The following FBXO43 variants were observed in gnomAD, a reference collection of about 807,000 sequenced individuals.
The protein encoded by FBXO43 is F-box only protein 43.
In FBXO43, 22 loss-of-function variants were observed where a neutral mutation model predicts 56.7. The ratio of observed to expected loss-of-function variants is 0.39; its 90% confidence interval spans 0.28 to 0.55. The LOEUF (loss-of-function observed/expected upper bound fraction) is 0.55, where lower values mean the gene tolerates loss of function less well. Among genes scored for constraint, FBXO43 ranks in the 20% least tolerant of loss-of-function variants. The pLI is 0.66. For missense variants in FBXO43, 733 were observed against 814.9 expected (o/e 0.90, Z 1.22); for synonymous variants, 306 against 294.5 (o/e 1.04, Z -0.40).
chr8:100,148,437 AG>A, upstream of FBXO43, among the ~76,000 whole-genome samples: 1 of 152,160 alleles, frequency 6.6e-6, no homozygotes, highest in East Asian at 1.9e-4. Context: ...TTTGAGACAG[AG>A]TCTCACTTTG....
At position 100,141,145 on chromosome 8, in the gene FBXO43, T is replaced by C; in HGVS notation, c.1109A>G (p.Asp370Gly). 7.4e-6 allele frequency: 12 copies of C among 1,614,192 alleles called. No homozygotes were observed. Among genetic ancestry groups the C allele is most frequent in the South Asian group, 2.2e-5 (2 of 91,086 alleles). Residue 370 changes from aspartate (D) to glycine (G), a missense_variant, in exon 2 of 5, where the codon GAC becomes GGC. Coordinates refer to ENST00000428847, the MANE Select transcript of FBXO43 (RefSeq NM_001029860.4). ...QKHKGTPKVG[D>G]TIRKTRHLGR... ...AAGATGTCTTGTCTTTCTTATGGTG[T>C]CCCCAACTTTGGGAGTCCCCTTATG...
upstream of FBXO43, among the ~76,000 whole-genome samples, chr8:100,149,396 C>T (rs141354985): frequency 8.0e-4 from 122 of 152,330 alleles, no homozygotes; most frequent in Non-Finnish European, 1.4e-3. Flanking sequence ...TGTCATCTTT[C>T]GCTTAGGATA....
At chr8:100,136,040 G>T (rs1408473629) in intron 3 of FBXO43, among the ~76,000 whole-genome samples, 1 of 151,704 alleles carries the variant, frequency 6.6e-6, no homozygotes, top group African/African-American at 2.4e-5. Flanking sequence ...GGAGCCAAAT[G>T]TTTAAATATT....
upstream of FBXO43, among the ~76,000 whole-genome samples, chr8:100,146,272 T>G (rs565219360): frequency 2.5e-4 from 38 of 152,314 alleles, no homozygotes; most frequent in South Asian, 7.7e-3. Flanking sequence ...TATCTGTGTT[T>G]TCTTCTCATG....
chr8:100,137,717 CATT>C (rs1250790657), intron 2 of FBXO43, 50 bp from the exon 3 acceptor site: 1 of 1,365,604 alleles, frequency 7.3e-7, no homozygotes, highest in Non-Finnish European at 1.0e-6. Flanking sequence ...ATAGGATTAA[CATT>C]TTGTTGTATA....
chr8:100,137,729 T>G, intron 2 of FBXO43, 62 bp from the exon 3 acceptor site: 1 of 1,197,128 alleles, frequency 8.4e-7, no homozygotes, highest in Non-Finnish European at 1.2e-6. Flanking sequence ...TTTTGTTGTA[T>G]ACGCTAACTA....
intron 3 of FBXO43, 46 bp from the exon 4 acceptor site, chr8:100,134,410 T>A (rs1814406195): frequency 6.6e-7 from 1 of 1,525,484 alleles, no homozygotes; most frequent in South Asian, 1.1e-5. Context: ...ACCAAAACAG[T>A]TCCGGGATAG....
upstream of FBXO43, chr8:100,145,940 G>C (rs1164785862): frequency 6.6e-6 from 1 of 152,534 alleles, no homozygotes; most frequent in Admixed American, 6.5e-5. Context: ...TCGCTTGAGC[G>C]GGAGGAGCGC....
upstream of FBXO43, among the ~76,000 whole-genome samples, chr8:100,146,402 G>T (rs1045844530): frequency 4.6e-5 from 7 of 152,076 alleles, no homozygotes; most frequent in Non-Finnish European, 1.0e-4. Flanking sequence ...TTTGAGACCA[G>T]CCTGGGCAAC....
rs1465602997 is a variant in FBXO43 at position 100,141,109 on chromosome 8, C to T, written c.1145G>A (p.Arg382Lys). ...TTGTTCCCGAAGGGTGGACAGTCTT[C>T]TCGACCTTCCAAGATGTCTTGTCTT... ...IRKTRHLGRS[R>K]RLSTLREQSS... The change falls in exon 2 of 5, where the codon AGA becomes AAA. Residue 382 changes from arginine (R) to lysine (K), a missense_variant. Physicochemically the swap from Arg to Lys is conservative, Grantham distance 26. Coordinates refer to ENST00000428847, the MANE Select transcript of FBXO43 (RefSeq NM_001029860.4). 1 of 1,614,098 alleles carries T rather than the reference C, an allele frequency of 6.2e-7. No individual in the cohort carries two copies. The highest frequency in any genetic ancestry group is 8.5e-7 in the Non-Finnish European group (1 of 1,180,056).
At chr8:100,147,920 G>A (rs1022318576), upstream of FBXO43, among the ~76,000 whole-genome samples, 3 of 152,172 alleles carry the variant, frequency 2.0e-5, no homozygotes, top group African/African-American at 7.2e-5. Context: ...CTGGTAGAGT[G>A]AATAGTACCC....
In FBXO43 at chr8:100,141,924, A is replaced by G; in HGVS notation, c.330T>C (p.Thr110=). 6.3e-7 allele frequency: 1 copy of G among 1,590,540 alleles called. No homozygotes were observed. Among genetic ancestry groups the G allele is most frequent in the Non-Finnish European group, 8.5e-7 (1 of 1,171,942 alleles). The change falls in exon 2 of 5, where the codon ACT becomes ACC. Residue 110 remains threonine (T), a synonymous_variant. Transcript: ENST00000428847. ...GPTLLYEHPE[T]SGLGLTHPLE... is the part of the protein sequence containing the mutation. ...AAGGATGTGTTAAGCCCAGGCCTGAAGTTTCAGGGTGCTCATAGAGTAATG... is the reference window on the plus strand; with the variant it reads ...AAGGATGTGTTAAGCCCAGGCCTGAGGTTTCAGGGTGCTCATAGAGTAATG...
In FBXO43 at chr8:100,134,413, C is replaced by T. The variant is rs183920985; in HGVS notation, c.1675-49G>A. On this transcript the variant is annotated intron_variant, in intron 3 of 4. Coordinates refer to ENST00000428847, the MANE Select transcript of FBXO43 (RefSeq NM_001029860.4). ...CAATACTGCAATACCAAAACAGTTC[C>T]GGGATAGCTTTCTGATGCACACGGA... The T allele has an allele frequency of 4.3e-3, 6,420 of 1,506,430 alleles. 15 individuals are homozygous for T. The highest frequency in any genetic ancestry group is 9.2e-3 in the Middle Eastern group (40 of 4,346). 93.3% of individuals were successfully genotyped at this position (1,506,430 alleles called of 1,614,324 possible).
chr8:100,144,022 C>T (rs1234692851), intron 1 of FBXO43, among the ~76,000 whole-genome samples: 1 of 152,188 alleles, frequency 6.6e-6, no homozygotes, highest in Non-Finnish European at 1.5e-5. Context: ...TCCACCCAAC[C>T]TTGGCCTCCC....
chr8:100,145,097 C>G lies in FBXO43; in HGVS notation c.39G>C (p.Leu13Phe). ...TAGATGTCAAAGTTACGTAGGCTTC[C>G]AAACAAGAAATTCTCTCATCTTTGT... is the stretch of plus-strand genomic sequence containing the variant. ...FKDKDERISC[L>F]EAYVTLTSKS... Residue 13 changes from leucine (L) to phenylalanine (F), a missense_variant, in exon 1 of 5, where the codon TTG becomes TTC. Leu to Phe is a conservative substitution (Grantham distance 22). Coordinates refer to ENST00000428847, the MANE Select transcript of FBXO43 (RefSeq NM_001029860.4). 6.2e-7 allele frequency: 1 copy of G among 1,612,448 alleles called. No individual in the cohort carries two copies. The highest frequency in any genetic ancestry group is 1.1e-5 in the South Asian group (1 of 90,884).
intron 3 of FBXO43, 143 bp from the exon 4 acceptor site, chr8:100,134,507 AAAC>A: frequency 1.9e-6 from 1 of 515,142 alleles, no homozygotes; most frequent in Non-Finnish European, 3.2e-6. Flanking sequence ...TCAGAAAAAA[AAAC>A]AAACAAAACA....
chr8:100,133,726 G>A lies in FBXO43; in HGVS notation c.*76C>T, dbSNP rs772833990. 7.1e-6 allele frequency: 10 copies of A among 1,401,722 alleles called. No individual in the cohort carries two copies. The Admixed American group carries it at 1.4e-4, about 19-fold the overall frequency. The allele number at this position is 1,401,722 out of a possible 1,614,324, so 86.8% of individuals were successfully genotyped here. ...TCACCTGTCATTAATGGGAAGATTT[G>A]CATGTATTCAAAATATTCATAATTT... On this transcript the variant is annotated 3_prime_UTR_variant, in exon 5 of 5. Coordinates refer to ENST00000428847, the MANE Select transcript of FBXO43 (RefSeq NM_001029860.4).
Position 100,145,198 on chromosome 8 carries a change from A to G in FBXO43, c.-63T>C, listed in dbSNP as rs1351268010. Reference sequence around the variant, plus strand: ...TGCACAATTAATTGAAAGGTGCAGCAGCATCATGATTGCTCAAAGTCGAAG... The same window carrying G: ...TGCACAATTAATTGAAAGGTGCAGCGGCATCATGATTGCTCAAAGTCGAAG... On this transcript the variant is annotated 5_prime_UTR_variant, in exon 1 of 5. Coordinates refer to ENST00000428847, the MANE Select transcript of FBXO43 (RefSeq NM_001029860.4). The G allele has an allele frequency of 1.4e-6, 2 of 1,427,136 alleles. No homozygotes were observed. The highest frequency in any genetic ancestry group is 1.3e-5 in the South Asian group (1 of 79,858). The allele number at this position is 1,427,136 out of a possible 1,614,324, so 88.4% of individuals were successfully genotyped here.
chr8:100,146,278 T>C (rs1814829655), upstream of FBXO43, among the ~76,000 whole-genome samples: 1 of 152,202 alleles, frequency 6.6e-6, no homozygotes, highest in Non-Finnish European at 1.5e-5. Context: ...TGTTTTCTTC[T>C]CATGTTTCAA....
Sources: gnomAD v4.1 joint callset for allele counts (sites outside exome capture counted in the v4.1 genomes callset) on GRCh38, gnomAD v4.1.1 for gene constraint, MANE v1.5 for transcripts, NCBI Gene and HGNC (gene_info 2026-07-23, HGNC 2026-07-21) for gene names.